SLIT3: variants seen among roughly 807,000 people sequenced by gnomAD.
The protein encoded by SLIT3 is slit guidance ligand 3.
A neutral mutation model predicts 184.0 loss-of-function variants in SLIT3; 68 were observed. The observed-to-expected ratio is 0.37, with a 90% confidence interval of 0.30 to 0.45. The LOEUF (loss-of-function observed/expected upper bound fraction) is 0.45. SLIT3 is among the 20% of genes least tolerant of loss of function. SLIT3 has a pLI of 1.00. For synonymous variants in SLIT3, 831 were observed against 828.6 expected (o/e 1.00, Z -0.05); for missense variants, 1,707 against 2,026.0 (o/e 0.84, Z 3.02).
intron 1 of SLIT3, among the ~76,000 whole-genome samples, chr5:169,271,242 A>G (rs1398420650): frequency 6.6e-6 from 1 of 152,172 alleles, no homozygotes; most frequent in African/African-American, 2.4e-5. Context: ...GTGCTACTCC[A>G]TCATGAAAGA....
At chr5:168,891,397 G>A (rs530941409) in intron 4 of SLIT3, among the ~76,000 whole-genome samples, 2 of 152,328 alleles carry the variant, frequency 1.3e-5, no homozygotes, top group East Asian at 3.9e-4. Context: ...TCCCCTGGGA[G>A]CCAGAGACGT....
At chr5:168,817,570 G>T in intron 7 of SLIT3, 107 bp from the exon 8 acceptor site, 1 of 1,086,898 alleles carries the variant, frequency 9.2e-7, no homozygotes, top group Non-Finnish European at 1.3e-6. Context: ...TCTCCAGTGT[G>T]AAAATCCCTA....
intron 6 of SLIT3, among the ~76,000 whole-genome samples, chr5:168,836,091 G>A (rs1372428890): frequency 6.6e-6 from 1 of 152,152 alleles, no homozygotes; most frequent in Non-Finnish European, 1.5e-5. Flanking sequence ...TAAGCCAGTG[G>A]GTAGGAGAGG....
At chr5:168,848,469 T>G (rs1758558407) in intron 5 of SLIT3, among the ~76,000 whole-genome samples, 1 of 152,218 alleles carries the variant, frequency 6.6e-6, no homozygotes, top group Admixed American at 6.5e-5. Flanking sequence ...GCTATTTTTT[T>G]GGAGGCCACT....
intron 4 of SLIT3, among the ~76,000 whole-genome samples, chr5:169,041,814 G>A (rs1757457165): frequency 6.6e-6 from 1 of 152,124 alleles, no homozygotes; most frequent in East Asian, 1.9e-4. Context: ...TAACAATGAA[G>A]TCAGTACTTT....
chr5:168,928,605 C>T (rs1385959737), intron 4 of SLIT3, among the ~76,000 whole-genome samples: 1 of 152,118 alleles, frequency 6.6e-6, no homozygotes, highest in East Asian at 1.9e-4. Flanking sequence ...ATGTGCAAGT[C>T]TTTCTAGAAG....
At chr5:168,687,698 A>T (rs1231438445) in intron 29 of SLIT3, among the ~76,000 whole-genome samples, 1 of 152,156 alleles carries the variant, frequency 6.6e-6, no homozygotes, top group African/African-American at 2.4e-5. Flanking sequence ...TCCACCTCTT[A>T]TGGTTGCTTT....
At chr5:168,876,416 T>A (rs11134536) in intron 5 of SLIT3, among the ~76,000 whole-genome samples, 20,721 of 152,120 alleles carry the variant, frequency 0.14, 1,623 homozygotes, top group African/African-American at 0.2. Context: ...CATGGGGTTC[T>A]AGGTCCTACC....
At chr5:169,179,101 T>G (rs1763068925) in intron 4 of SLIT3, among the ~76,000 whole-genome samples, 1 of 152,102 alleles carries the variant, frequency 6.6e-6, no homozygotes, top group South Asian at 2.1e-4. Context: ...TAATATTTTG[T>G]TGCACCAGTG....
chr5:168,833,151 A>G (rs1325487081), intron 6 of SLIT3, among the ~76,000 whole-genome samples: 2 of 152,208 alleles, frequency 1.3e-5, no homozygotes, highest in African/African-American at 4.8e-5. Context: ...TCCACCAGGC[A>G]GGTGAGCTCT....
At chr5:168,889,283 A>T (rs1424358573) in intron 4 of SLIT3, among the ~76,000 whole-genome samples, 1 of 152,200 alleles carries the variant, frequency 6.6e-6, no homozygotes, top group Admixed American at 6.5e-5. Context: ...TCAAAATCAA[A>T]TGAGCACCAA....
chr5:169,009,240 C>T (rs1352123334), intron 4 of SLIT3, among the ~76,000 whole-genome samples: 1 of 152,210 alleles, frequency 6.6e-6, no homozygotes, highest in Non-Finnish European at 1.5e-5. Flanking sequence ...ATGTCCTCCC[C>T]TGCACCTTTA....
At chr5:169,176,279 A>T (rs1386733817) in intron 4 of SLIT3, among the ~76,000 whole-genome samples, 6 of 152,182 alleles carry the variant, frequency 3.9e-5, no homozygotes, top group Non-Finnish European at 7.3e-5. Context: ...CTCAGGAAAC[A>T]GTGAGGTTTA....
At chr5:169,065,298 G>A (rs1758312049) in intron 4 of SLIT3, among the ~76,000 whole-genome samples, 1 of 152,150 alleles carries the variant, frequency 6.6e-6, no homozygotes, top group African/African-American at 2.4e-5. Context: ...ACCGTCTAGT[G>A]TATCACACAG....
At chr5:169,118,975 A>C (rs1351406954) in intron 4 of SLIT3, among the ~76,000 whole-genome samples, 1 of 152,216 alleles carries the variant, frequency 6.6e-6, no homozygotes, top group Non-Finnish European at 1.5e-5. Context: ...ACTATGTGAA[A>C]GTGTTCTACA....
chr5:169,233,482 G>T (rs1366746207), intron 3 of SLIT3, among the ~76,000 whole-genome samples: 1 of 150,826 alleles, frequency 6.6e-6, no homozygotes, highest in Non-Finnish European at 1.5e-5. Context: ...TAGTTAGGAA[G>T]AATAGCTAAC....
At chr5:168,668,695 C>G (rs778374303) in intron 35 of SLIT3, among the ~76,000 whole-genome samples, 1 of 152,318 alleles carries the variant, frequency 6.6e-6, no homozygotes, top group South Asian at 2.1e-4. Context: ...GCAATCCTTG[C>G]ACCTCGGCCT....
At chr5:169,005,148 G>T (rs1048442558) in intron 4 of SLIT3, among the ~76,000 whole-genome samples, 1 of 152,158 alleles carries the variant, frequency 6.6e-6, no homozygotes, top group Non-Finnish European at 1.5e-5. Context: ...ACATAATGCT[G>T]TTACAAAATA....
chr5:168,764,399 G>A (rs1029062311), intron 14 of SLIT3, among the ~76,000 whole-genome samples: 3 of 152,208 alleles, frequency 2.0e-5, no homozygotes, highest in African/African-American at 7.2e-5. Context: ...CACTCAGTCT[G>A]CGCAGGCTGC....
Sources: allele counts gnomAD v4.1 joint callset (sites outside exome capture counted in the v4.1 genomes callset), GRCh38; gene constraint gnomAD v4.1.1; transcripts MANE v1.5; gene names NCBI Gene and HGNC (gene_info 2026-07-23, HGNC 2026-07-21).